ERBB4: variants seen among roughly 807,000 people sequenced by gnomAD.
ERBB4 encodes receptor tyrosine-protein kinase erbB-4.
ERBB4 carries 42 observed loss-of-function variants against 158.0 expected under a neutral mutation model. That is an observed-to-expected ratio of 0.27 (90% CI 0.21 to 0.34). The LOEUF (loss-of-function observed/expected upper bound fraction) is 0.34. Among genes scored for constraint, ERBB4 ranks in the 10% least tolerant of loss-of-function variants. ERBB4 has a pLI of 1.00. For missense variants in ERBB4, 1,333 were observed against 1,624.1 expected (o/e 0.82, Z 3.08); for synonymous variants, 583 against 558.7 (o/e 1.04, Z -0.61).
intron 2 of ERBB4, among the ~76,000 whole-genome samples, chr2:211,948,190 A>T (rs1239379995): frequency 6.6e-6 from 1 of 152,070 alleles, no homozygotes; most frequent in East Asian, 1.9e-4. Flanking sequence ...TAATCCCAGC[A>T]CTTCTGGAGG....
At chr2:212,487,848 T>C (rs1290178242) in intron 1 of ERBB4, among the ~76,000 whole-genome samples, 2 of 152,166 alleles carry the variant, frequency 1.3e-5, no homozygotes, top group Non-Finnish European at 2.9e-5. Context: ...GTTTTACTGA[T>C]GAGAAAATTA....
intron 1 of ERBB4, among the ~76,000 whole-genome samples, chr2:212,252,023 G>T (rs1456619910): frequency 6.6e-6 from 1 of 151,948 alleles, no homozygotes; most frequent in Admixed American, 6.6e-5. Flanking sequence ...GTTGAAATGT[G>T]GTTGGATTCT....
chr2:211,645,739 A>C (rs1280571393), intron 16 of ERBB4, among the ~76,000 whole-genome samples: 1 of 151,676 alleles, frequency 6.6e-6, no homozygotes, highest in Non-Finnish European at 1.5e-5. Flanking sequence ...ATCTGTTACA[A>C]ATTTATGTAT....
chr2:212,005,368 A>T (rs886554349), intron 2 of ERBB4, among the ~76,000 whole-genome samples: 2 of 152,066 alleles, frequency 1.3e-5, no homozygotes, highest in Non-Finnish European at 2.9e-5. Context: ...ATATTCAGAC[A>T]CCTTTTGGGG....
intron 1 of ERBB4, among the ~76,000 whole-genome samples, chr2:212,254,947 A>C (rs1234686065): frequency 6.6e-6 from 1 of 152,210 alleles, no homozygotes; most frequent in Non-Finnish European, 1.5e-5. Context: ...TTCAGATGTC[A>C]CCTAAGAGCC....
chr2:211,524,820 T>C (rs2066299007), intron 20 of ERBB4, among the ~76,000 whole-genome samples: 1 of 152,032 alleles, frequency 6.6e-6, no homozygotes, highest in South Asian at 2.1e-4. Context: ...AGAAAGGGGC[T>C]CCCACAGTGC....
intron 2 of ERBB4, among the ~76,000 whole-genome samples, chr2:212,072,584 T>C (rs1006851701): frequency 1.3e-5 from 2 of 151,936 alleles, no homozygotes; most frequent in African/African-American, 4.8e-5. Context: ...GGCTGGGCAG[T>C]AAGAATTCAC....
At chr2:211,428,295 TATCA>T (rs1259286195) in intron 22 of ERBB4, 109 bp downstream of exon 22, 2 of 585,298 alleles carry the variant, frequency 3.4e-6, no homozygotes, top group East Asian at 6.0e-5. Flanking sequence ...AAATTAGGCT[TATCA>T]ATAGGTATTT....
At chr2:212,102,090 TTATATATATATA>T (rs57567965) in intron 2 of ERBB4, among the ~76,000 whole-genome samples, 6,488 of 108,002 alleles carry the variant, frequency 0.06, 669 homozygotes, top group African/African-American at 0.18. Flanking sequence ...AAAATTTATT[TTATATATATATA>T]TATATATATA....
At chr2:212,016,438 T>C (rs1269414619) in intron 2 of ERBB4, among the ~76,000 whole-genome samples, 2 of 152,188 alleles carry the variant, frequency 1.3e-5, no homozygotes, top group Non-Finnish European at 2.9e-5. Context: ...TTAGATTGCA[T>C]TATTCTGTAA....
intron 1 of ERBB4, among the ~76,000 whole-genome samples, chr2:212,161,726 G>A (rs1319218945): frequency 6.6e-6 from 1 of 151,776 alleles, no homozygotes; most frequent in East Asian, 1.9e-4. Flanking sequence ...CAGTACACTA[G>A]TCCTTTGAGT....
chr2:212,084,452 A>G (rs1012075933), intron 2 of ERBB4, among the ~76,000 whole-genome samples: 1 of 151,990 alleles, frequency 6.6e-6, no homozygotes, highest in Non-Finnish European at 1.5e-5. Flanking sequence ...TCAGATTCTC[A>G]AATAAAGAAA....
chr2:212,272,134 C>G (rs1461044610), intron 1 of ERBB4, among the ~76,000 whole-genome samples: 5 of 151,606 alleles, frequency 3.3e-5, no homozygotes, highest in Non-Finnish European at 7.4e-5. Context: ...TAAGGCAAAT[C>G]TAAAATTTGC....
intron 2 of ERBB4, among the ~76,000 whole-genome samples, chr2:212,025,865 A>G (rs976385912): frequency 6.6e-6 from 1 of 151,718 alleles, no homozygotes; most frequent in Non-Finnish European, 1.5e-5. Flanking sequence ...TACTGAAAAT[A>G]AAGAACTTTA....
chr2:212,191,768 T>TATAACACGTGTTATACATGTTAC lies in ERBB4; in HGVS notation c.83-66866_83-66865insGTAACATGTATAACACGTGTTAT, dbSNP rs1559704276. On this transcript the variant is annotated intron_variant, in intron 1 of 27. Coordinates refer to ENST00000342788, the MANE Select transcript of ERBB4 (RefSeq NM_005235.3). ...CATATAACACGTGTTATACATGTTA[T>TATAACACGTGTTATACATGTTAC]ATATAACACGTGTGTTATATGTTCT... is the stretch of plus-strand genomic sequence containing the variant. 1.5e-3 allele frequency among the ~76,000 whole-genome samples: 193 copies of TATAACACGTGTTATACATGTTAC among 132,362 alleles called. 10 individuals carry two copies. Among genetic ancestry groups the TATAACACGTGTTATACATGTTAC allele is most frequent in the African/African-American group, 5.7e-3 (181 of 31,618 alleles). 86.8% of individuals were successfully genotyped at this position (132,362 alleles called of 152,430 possible). A position where few individuals can be genotyped will look rare whatever the true frequency, so the allele number is the denominator to read the frequency against.
intron 25 of ERBB4, among the ~76,000 whole-genome samples, chr2:211,404,672 C>A (rs918475383): frequency 1.3e-5 from 2 of 151,746 alleles, no homozygotes; most frequent in African/African-American, 4.8e-5. Context: ...GGTGAGTCAA[C>A]TGAGAGTTGA....
intron 2 of ERBB4, among the ~76,000 whole-genome samples, chr2:211,956,552 T>C (rs934013364): frequency 3.9e-5 from 6 of 152,070 alleles, no homozygotes; most frequent in African/African-American, 1.4e-4. Context: ...TATTCAATAT[T>C]ACGTTCCTCT....
intron 2 of ERBB4, among the ~76,000 whole-genome samples, chr2:211,960,983 A>T (rs1328014511): frequency 6.6e-6 from 1 of 152,148 alleles, no homozygotes; most frequent in Non-Finnish European, 1.5e-5. Flanking sequence ...TAATAATAAT[A>T]GGTGAAACTG....
intron 2 of ERBB4, among the ~76,000 whole-genome samples, chr2:212,061,133 A>G (rs1559416469): frequency 6.6e-6 from 1 of 151,952 alleles, no homozygotes; most frequent in Non-Finnish European, 1.5e-5. Flanking sequence ...GAGGACCAGA[A>G]GACAATAACC....
Sources: gnomAD v4.1 joint callset for allele counts (sites outside exome capture counted in the v4.1 genomes callset) on GRCh38, gnomAD v4.1.1 for gene constraint, MANE v1.5 for transcripts, NCBI Gene and HGNC (gene_info 2026-07-23, HGNC 2026-07-21) for gene names.